Variants in PTPRD observed in about 807,000 individuals in gnomAD.
The protein encoded by PTPRD is protein tyrosine phosphatase receptor type D, also known as receptor-type tyrosine-protein phosphatase delta.
In PTPRD, 34 loss-of-function variants were observed where a neutral mutation model predicts 214.5. The ratio of observed to expected loss-of-function variants is 0.16; its 90% CI spans 0.12 to 0.21. The LOEUF (loss-of-function observed/expected upper bound fraction) is 0.21. PTPRD is among the 10% of genes least tolerant of loss of function. The probability of loss-of-function intolerance (pLI) is 1.00; values close to 1 mark genes in which losing one functional copy is unlikely to be tolerated. For synonymous variants in PTPRD, 1,128 were observed against 845.7 expected (o/e 1.33, Z -5.79); for missense variants, 2,545 against 2,398.7 (o/e 1.06, Z -1.27).
At chr9:9,863,094 T>C (rs917562542) in intron 5 of PTPRD, among the ~76,000 whole-genome samples, 5 of 152,174 alleles carry the variant, frequency 3.3e-5, no homozygotes, top group Admixed American at 6.5e-5. Flanking sequence ...GCCTGAAGTA[T>C]TTGAGTCTAG....
intron 9 of PTPRD, among the ~76,000 whole-genome samples, chr9:9,312,510 C>A (rs944686979): frequency 6.6e-6 from 1 of 152,122 alleles, no homozygotes; most frequent in Non-Finnish European, 1.5e-5. Context: ...CAGCTTTCCC[C>A]ATGTCTGCGT....
chr9:9,111,778 A>C (rs1591801088), intron 10 of PTPRD, among the ~76,000 whole-genome samples: 1 of 152,090 alleles, frequency 6.6e-6, no homozygotes, highest in African/African-American at 2.4e-5. Flanking sequence ...CTTGAGGAAA[A>C]CATTTTTTAA....
intron 11 of PTPRD, among the ~76,000 whole-genome samples, chr9:8,900,067 C>T (rs10511511): frequency 0.11 from 16,891 of 151,544 alleles, 1,361 homozygotes; most frequent in East Asian, 0.28. Flanking sequence ...ACTGCATTGT[C>T]AAGCTGAGTA....
intron 2 of PTPRD, among the ~76,000 whole-genome samples, chr9:10,449,792 GA>G (rs1484964363): frequency 5.3e-5 from 8 of 151,416 alleles, no homozygotes; most frequent in Admixed American, 3.9e-4. Context: ...CGGTTTTGTC[GA>G]ATAGAAAAGG....
chr9:9,522,456 T>C (rs1194024909), intron 8 of PTPRD, among the ~76,000 whole-genome samples: 1 of 152,108 alleles, frequency 6.6e-6, no homozygotes, highest in African/African-American at 2.4e-5. Context: ...AGTTCAGCTA[T>C]AGTAAAAACT....
chr9:10,081,007 A>C (rs761459030), intron 3 of PTPRD, among the ~76,000 whole-genome samples: 2 of 152,144 alleles, frequency 1.3e-5, no homozygotes, highest in Admixed American at 1.3e-4. Flanking sequence ...ATTTGAGTAA[A>C]TTATAATATT....
chr9:9,458,553 T>C (rs2093318999), intron 8 of PTPRD, among the ~76,000 whole-genome samples: 1 of 151,992 alleles, frequency 6.6e-6, no homozygotes, highest in Admixed American at 6.6e-5. Flanking sequence ...GAGACAGAAT[T>C]ATAAAAGCTT....
At chr9:8,337,404 A>T (rs1426575927) in intron 43 of PTPRD, among the ~76,000 whole-genome samples, 3 of 152,018 alleles carry the variant, frequency 2.0e-5, no homozygotes, top group African/African-American at 7.3e-5. Flanking sequence ...GAACAATGAG[A>T]ACACACGGAC....
chr9:9,943,165 C>T lies in PTPRD; in HGVS notation c.-471-4555G>A, dbSNP rs543681960. Among the ~76,000 whole-genome samples the T allele has an allele frequency of 3.3e-5, 5 of 152,018 alleles. No individual in the cohort carries two copies. The South Asian group carries it at 8.3e-4, about 25-fold the overall frequency. On this transcript the variant is annotated intron_variant, in intron 4 of 45. Coordinates refer to ENST00000381196, the MANE Select transcript of PTPRD (RefSeq NM_002839.4). Reference sequence around the variant, plus strand: ...GAAGACATATTAGATCTGTTTTAACCCTTAAAGAACCAGATTAGTACCTGG... The same window carrying T: ...GAAGACATATTAGATCTGTTTTAACTCTTAAAGAACCAGATTAGTACCTGG...
rs919534153 is a variant in PTPRD, at chr9:10,067,985, C to T, written c.-544-34195G>A. ...GGGATTTTGTGCTAGCTGACTCCAG[C>T]GCCACACTGAATCACAATTTAAACT... On this transcript the variant is annotated intron_variant, in intron 3 of 45. Coordinates refer to ENST00000381196, the MANE Select transcript of PTPRD (RefSeq NM_002839.4). Among the ~76,000 whole-genome samples, 9 of 151,844 alleles carry T rather than the reference C, an allele frequency of 5.9e-5. 1 individual carries two copies. The highest frequency in any genetic ancestry group is 1.2e-4 in the African/African-American group (5 of 41,382).
intron 2 of PTPRD, among the ~76,000 whole-genome samples, chr9:10,534,598 A>C (rs2057298255): frequency 6.6e-6 from 1 of 152,166 alleles, no homozygotes; most frequent in Non-Finnish European, 1.5e-5. Context: ...ATGGAAACAT[A>C]AAACCTTAAC....
At chr9:8,677,552 A>G (rs913211984) in intron 12 of PTPRD, among the ~76,000 whole-genome samples, 8 of 152,206 alleles carry the variant, frequency 5.3e-5, no homozygotes, top group Admixed American at 4.6e-4. Context: ...TGAGGATCAA[A>G]CAACTACCAA....
intron 9 of PTPRD, among the ~76,000 whole-genome samples, chr9:9,216,687 T>C (rs1003526825): frequency 3.9e-5 from 6 of 152,154 alleles, no homozygotes; most frequent in Non-Finnish European, 7.4e-5. Context: ...CTTGGTATCA[T>C]TCCTCTGTTT....
At chr9:9,224,325 G>C (rs1401775100) in intron 9 of PTPRD, among the ~76,000 whole-genome samples, 3 of 151,974 alleles carry the variant, frequency 2.0e-5, no homozygotes, top group African/African-American at 7.2e-5. Context: ...GGGAGAAAGG[G>C]AAAGGCCATT....
At chr9:9,610,359 G>C (rs2094452216) in intron 7 of PTPRD, among the ~76,000 whole-genome samples, 1 of 152,256 alleles carries the variant, frequency 6.6e-6, no homozygotes, top group African/African-American at 2.4e-5. Context: ...TTAGTATTGA[G>C]TTATATTATA....
chr9:8,475,956 C>T (rs2096755726), intron 30 of PTPRD, among the ~76,000 whole-genome samples: 1 of 152,146 alleles, frequency 6.6e-6, no homozygotes, highest in African/African-American at 2.4e-5. Flanking sequence ...CTGCCATTTC[C>T]ACTTTTTAAA....
At chr9:9,420,378 G>C (rs1157915716) in intron 8 of PTPRD, among the ~76,000 whole-genome samples, 1 of 151,756 alleles carries the variant, frequency 6.6e-6, no homozygotes, top group Admixed American at 6.6e-5. Flanking sequence ...ATTTCTATGT[G>C]TGTTCAACTA....
chr9:9,119,133 G>A (rs1404780562), intron 10 of PTPRD, among the ~76,000 whole-genome samples: 1 of 152,158 alleles, frequency 6.6e-6, no homozygotes, highest in Non-Finnish European at 1.5e-5. Flanking sequence ...GTCCTGCTGG[G>A]TTCTCTGCAG....
chr9:9,722,827 T>A (rs899204870), intron 7 of PTPRD, among the ~76,000 whole-genome samples: 9 of 152,100 alleles, frequency 5.9e-5, no homozygotes, highest in African/African-American at 2.2e-4. Context: ...TTTCATATGC[T>A]TTTGACCATT....
Sources: gnomAD v4.1 joint callset for allele counts (sites outside exome capture counted in the v4.1 genomes callset) on GRCh38, gnomAD v4.1.1 for gene constraint, MANE v1.5 for transcripts, NCBI Gene and HGNC (gene_info 2026-07-23, HGNC 2026-07-21) for gene names.